The following ZNF75D variants were observed in gnomAD, a reference collection of about 807,000 sequenced individuals.
The protein encoded by ZNF75D is zinc finger protein 75D.
In ZNF75D, 33 loss-of-function variants were observed where a neutral mutation model predicts 33.3. That is an observed-to-expected ratio of 0.99 (90% CI 0.75 to 1.32). The LOEUF (loss-of-function observed/expected upper bound fraction) is 1.32, where lower values mean the gene tolerates loss of function less well. ZNF75D is among the 40% of genes most tolerant of loss of function. The pLI is 0.00. For missense variants in ZNF75D, 338 were observed against 367.5 expected, an observed-to-expected ratio of 0.92 and a Z score of 0.66; for synonymous variants, 113 against 130.6, an observed-to-expected ratio of 0.87 and a Z score of 0.92.
intron 1 of ZNF75D, among the ~76,000 whole-genome samples, chrX:135,258,674 C>A (rs782133028): frequency 2.3e-4 from 26 of 111,470 alleles, no homozygotes; most frequent in African/African-American, 8.2e-4. Flanking sequence ...TCTTTGAGTT[C>A]TTTGTAGATT....
intron 1 of ZNF75D, among the ~76,000 whole-genome samples, chrX:135,277,344 T>C (rs2083903010): frequency 8.9e-6 from 1 of 112,506 alleles, no homozygotes; most frequent in South Asian, 3.6e-4. Flanking sequence ...TTTTCTTTTT[T>C]TCTTGTAAAT....
intron 1 of ZNF75D, among the ~76,000 whole-genome samples, chrX:135,320,509 A>T (rs1453621860): frequency 8.9e-6 from 1 of 111,783 alleles, no homozygotes; most frequent in African/African-American, 3.3e-5. Flanking sequence ...AAAACTGCTT[A>T]TAGCCCTTAT....
intron 1 of ZNF75D, among the ~76,000 whole-genome samples, chrX:135,275,430 T>C (rs2083896132): frequency 9.0e-6 from 1 of 111,535 alleles, no homozygotes; most frequent in Non-Finnish European, 1.9e-5. Context: ...TATGATGATA[T>C]TGGTGAACTT....
At chrX:135,328,807 T>C (rs1189306394) in intron 1 of ZNF75D, among the ~76,000 whole-genome samples, 4 of 111,959 alleles carry the variant, frequency 3.6e-5, no homozygotes, top group African/African-American at 9.8e-5. Flanking sequence ...GACAGGTTCA[T>C]TGTCTATGTT....
downstream of ZNF75D, among the ~76,000 whole-genome samples, chrX:135,281,609 C>T (rs1224013049): frequency 8.9e-6 from 1 of 111,937 alleles, no homozygotes; most frequent in Non-Finnish European, 1.9e-5. Context: ...CTGTTTTTTC[C>T]TCATCTTCAT....
At chrX:135,318,514 AC>A (rs1490660538) in intron 1 of ZNF75D, among the ~76,000 whole-genome samples, 1 of 111,812 alleles carries the variant, frequency 8.9e-6, no homozygotes, top group African/African-American at 3.2e-5. Flanking sequence ...AACTTAGATG[AC>A]CAAAATCCAT....
Position 135,292,351 on chromosome X carries a change from A to G in ZNF75D, c.534T>C (p.Asn178=). ...PMGVFQKEYW[N]TYRVLQEQLG... ...GCTGTTCTTGTAGTACCCGGTATGTATTCCAATATTCTTTCTGGAACACAC... is the reference window on the plus strand; with the variant it reads ...GCTGTTCTTGTAGTACCCGGTATGTGTTCCAATATTCTTTCTGGAACACAC... Residue 178 remains asparagine (N), a synonymous_variant, in exon 4 of 7, where the codon AAT becomes AAC. Coordinates refer to ENST00000370766, the MANE Select transcript of ZNF75D (RefSeq NM_007131.5). 8.3e-7 allele frequency: 1 copy of G among 1,211,112 alleles called. No individual in the cohort carries two copies. The highest frequency in any genetic ancestry group is 1.1e-6 in the Non-Finnish European group (1 of 895,045).
At chrX:135,323,227 T>C (rs2084519457) in intron 1 of ZNF75D, among the ~76,000 whole-genome samples, 1 of 112,085 alleles carries the variant, frequency 8.9e-6, no homozygotes, top group Non-Finnish European at 1.9e-5. Flanking sequence ...CTCAAGTTAT[T>C]ATTATCAGAG....
intron 1 of ZNF75D, among the ~76,000 whole-genome samples, chrX:135,336,862 AT>A (rs2084718424): frequency 8.9e-6 from 1 of 112,027 alleles, no homozygotes; most frequent in South Asian, 3.7e-4. Flanking sequence ...TTCAAGTGTG[AT>A]TTCTGTGCTT....
chrX:135,280,129 T>G (rs1205813621), intron 1 of ZNF75D, among the ~76,000 whole-genome samples: 2 of 111,806 alleles, frequency 1.8e-5, no homozygotes, highest in Non-Finnish European at 3.8e-5. Context: ...CATCTCTTTG[T>G]AAGTCTCTAA....
At chrX:135,304,824 C>G (rs2084263689) in intron 1 of ZNF75D, among the ~76,000 whole-genome samples, 1 of 112,574 alleles carries the variant, frequency 8.9e-6, no homozygotes. Flanking sequence ...TAGACAGTGC[C>G]AAAAAGATTC....
At chrX:135,280,281 T>G (rs1238430148) in intron 1 of ZNF75D, among the ~76,000 whole-genome samples, 1 of 112,041 alleles carries the variant, frequency 8.9e-6, no homozygotes, top group East Asian at 2.8e-4. Context: ...TTAAAGTCTG[T>G]TTTATCAGAG....
chrX:135,309,300 G>A (rs2148481776), intron 1 of ZNF75D, among the ~76,000 whole-genome samples: 1 of 111,787 alleles, frequency 8.9e-6, no homozygotes, highest in South Asian at 3.8e-4. Context: ...CCCCATGTGT[G>A]AGACAGATTG....
At chrX:135,271,942 T>C (rs782310442) in intron 1 of ZNF75D, among the ~76,000 whole-genome samples, 8 of 111,227 alleles carry the variant, frequency 7.2e-5, no homozygotes, top group Admixed American at 1.9e-4. Context: ...TGTTGTTTTG[T>C]TTTTAATCGC....
chrX:135,340,749 G>A (rs1246917948), intron 1 of ZNF75D, among the ~76,000 whole-genome samples: 1 of 111,999 alleles, frequency 8.9e-6, no homozygotes, highest in African/African-American at 3.2e-5. Context: ...CCATGTTGGA[G>A]GGTCCAAAAA....
At chrX:135,320,917 G>A (rs5975501) in intron 1 of ZNF75D, among the ~76,000 whole-genome samples, 1 of 110,784 alleles carries the variant, frequency 9.0e-6, no homozygotes, top group Non-Finnish European at 1.9e-5. Context: ...AAAGAAATGA[G>A]ACTTAAGGGG....
downstream of ZNF75D, among the ~76,000 whole-genome samples, chrX:135,283,825 T>C (rs782153076): frequency 3.2e-4 from 36 of 111,208 alleles, 1 homozygote; most frequent in Admixed American, 3.3e-3. Flanking sequence ...CATGTCATTG[T>C]TTGCTGGGAG....
intron 1 of ZNF75D, chrX:135,330,290 TGATGTGATAGG>T (rs1368663430): frequency 9.0e-6 from 1 of 110,524 alleles, no homozygotes; most frequent in African/African-American, 3.3e-5. Flanking sequence ...TGTGTGGGGG[TGATGTGATAGG>T]GATGTGATAG....
chrX:135,326,020 C>G (rs1209658235), intron 1 of ZNF75D, among the ~76,000 whole-genome samples: 3 of 109,092 alleles, frequency 2.7e-5, no homozygotes, highest in African/African-American at 1.0e-4. Context: ...ATGCACCAAT[C>G]GACACTCTGT....
Sources: gnomAD v4.1 joint callset for allele counts (sites outside exome capture counted in the v4.1 genomes callset) on GRCh38, gnomAD v4.1.1 for gene constraint, MANE v1.5 for transcripts, NCBI Gene and HGNC (gene_info 2026-07-23, HGNC 2026-07-21) for gene names.